Variants in MELK observed in about 807,000 individuals in gnomAD.
The protein encoded by MELK is pEg3 kinase.
A neutral mutation model predicts 85.0 loss-of-function variants in MELK; 81 were observed. That is an observed-to-expected ratio of 0.95 (90% CI 0.80 to 1.15). MELK has a LOEUF of 1.15. Ranked by LOEUF, MELK falls within the 50% of genes most tolerant of loss-of-function variation. MELK has a pLI of 0.00. For synonymous variants in MELK, 252 were observed against 265.0 expected (o/e 0.95, Z 0.48); for missense variants, 754 against 777.5 (o/e 0.97, Z 0.36).
At chr9:36,615,338 C>G (rs1451998978) in intron 8 of MELK, among the ~76,000 whole-genome samples, 2 of 126,400 alleles carry the variant, frequency 1.6e-5, no homozygotes, top group Admixed American at 1.5e-4. Flanking sequence ...GCTGGCCGGG[C>G]GGGGGGCTGA....
chr9:36,611,072 C>T (rs1016542486), intron 8 of MELK, among the ~76,000 whole-genome samples: 1 of 152,156 alleles, frequency 6.6e-6, no homozygotes, highest in African/African-American at 2.4e-5. Flanking sequence ...AGTCAGTAAG[C>T]GTATAATGCA....
At chr9:36,578,025 A>G (rs889620716) in intron 1 of MELK, among the ~76,000 whole-genome samples, 3 of 152,056 alleles carry the variant, frequency 2.0e-5, no homozygotes, top group Non-Finnish European at 4.4e-5. Flanking sequence ...GCCTCAAGCA[A>G]TCCTCCTGCC....
intron 3 of MELK, among the ~76,000 whole-genome samples, chr9:36,585,911 C>A (rs1057376605): frequency 1.3e-5 from 2 of 151,954 alleles, no homozygotes; most frequent in African/African-American, 2.4e-5. Flanking sequence ...GCACTCTAGC[C>A]TGGGCAACAG....
At chr9:36,578,287 T>A (rs1379407739) in intron 1 of MELK, among the ~76,000 whole-genome samples, 1 of 151,570 alleles carries the variant, frequency 6.6e-6, no homozygotes, top group African/African-American at 2.4e-5. Context: ...TTGTCCCAGC[T>A]CCAGAGCTGC....
In MELK at chr9:36,612,126, C is replaced by T. The variant is rs1018037926; in HGVS notation, c.666+4453C>T. On this transcript the variant is annotated intron_variant, in intron 8 of 17. Coordinates refer to ENST00000298048, the MANE Select transcript of MELK (RefSeq NM_014791.4). ...TTTGTTTTTTTCTGTGACAGAGTCT[C>T]GCTCTGTCACCCAGGCTGGAGTGCA... Among the ~76,000 whole-genome samples, 9 of 151,866 alleles carry T rather than the reference C, an allele frequency of 5.9e-5. No individual in the cohort carries two copies. In the South Asian group the frequency reaches 8.3e-4, roughly 14 times the overall value.
intron 1 of MELK, among the ~76,000 whole-genome samples, chr9:36,580,340 A>T (rs1262711205): frequency 7.0e-6 from 1 of 141,850 alleles, no homozygotes; most frequent in East Asian, 2.1e-4. Flanking sequence ...TTTTTTTGAG[A>T]CGGAGTTTCA....
At chr9:36,589,155 T>G (rs1823263013) in intron 3 of MELK, among the ~76,000 whole-genome samples, 1 of 146,820 alleles carries the variant, frequency 6.8e-6, no homozygotes, top group Admixed American at 6.8e-5. Flanking sequence ...CTACTTAGTA[T>G]TTTTTTTTTT....
chr9:36,661,014 A>T (rs1831756186), intron 13 of MELK, among the ~76,000 whole-genome samples: 2 of 152,024 alleles, frequency 1.3e-5, no homozygotes, highest in South Asian at 4.1e-4. Context: ...AACAAAGAAT[A>T]AAAAAAGACA....
chr9:36,642,318 C>T (rs1829827214), intron 10 of MELK, among the ~76,000 whole-genome samples: 1 of 151,014 alleles, frequency 6.6e-6, no homozygotes, highest in African/African-American at 2.4e-5. Flanking sequence ...TGTATAGCCA[C>T]TGATTTTAGA....
intron 11 of MELK, among the ~76,000 whole-genome samples, chr9:36,648,403 T>C (rs2137118993): frequency 6.6e-6 from 1 of 152,226 alleles, no homozygotes; most frequent in East Asian, 1.9e-4. Flanking sequence ...GTCAGGGAAG[T>C]GAAGAGGAAA....
rs1440229403 is a variant in MELK, at chr9:36,670,986, GTT to G, written c.1506-9_1506-8del. 6.3e-7 allele frequency: 1 copy of G among 1,597,086 alleles called. No homozygotes were observed. The highest frequency in any genetic ancestry group is 1.4e-5 in the African/African-American group (1 of 74,008). On this transcript the variant is annotated splice_polypyrimidine_tract_variant and intron_variant, in intron 15 of 17. Transcript: ENST00000298048. ...CAGCTCTACTTGTGCCTTGTTTTAT[GTT>G]TTGTTTCAGGTGCCGCTCAGTGGAA...
chr9:36,607,671 A>T lies in MELK; in HGVS notation c.664A>T (p.Met222Leu). The T allele has an allele frequency of 6.3e-7, 1 of 1,580,346 alleles. No homozygotes were observed. The highest frequency in any genetic ancestry group is 8.7e-7 in the Non-Finnish European group (1 of 1,149,434). Residue 222 changes from methionine (M) to leucine (L), a missense_variant and splice_region_variant, in exon 8 of 18, where the codon ATG becomes TTG. Coordinates refer to ENST00000298048, the MANE Select transcript of MELK (RefSeq NM_014791.4). ...TGTAATGGCTTTATACAAGAAGATT[A>T]TGGTGAGTATTACAAGGCATAGAAT... ...DNVMALYKKIMRGKYDVPKWL... is the reference protein window; with the variant it reads ...DNVMALYKKILRGKYDVPKWL...
chr9:36,575,630 C>T (rs1821583054), intron 1 of MELK, among the ~76,000 whole-genome samples: 1 of 152,120 alleles, frequency 6.6e-6, no homozygotes, highest in Non-Finnish European at 1.5e-5. Flanking sequence ...TGCATGGCTT[C>T]AGTCTTACCT....
chr9:36,629,954 C>G (rs1380784373), intron 8 of MELK: 1 of 159,598 alleles, frequency 6.3e-6, no homozygotes, highest in Non-Finnish European at 1.3e-5. Context: ...AAGTGATTCT[C>G]CTGCCTCAGC....
intron 8 of MELK, among the ~76,000 whole-genome samples, chr9:36,625,617 CT>C (rs1827852433): frequency 6.6e-6 from 1 of 152,152 alleles, no homozygotes; most frequent in Non-Finnish European, 1.5e-5. Flanking sequence ...GGCTTCATTG[CT>C]GTAGTTCAAA....
chr9:36,573,281 C>T (rs1380481774), intron 1 of MELK: 1 of 152,212 alleles, frequency 6.6e-6, no homozygotes, highest in Non-Finnish European at 1.5e-5. Flanking sequence ...TAGGAGGCTG[C>T]GATAGACGTG....
intron 5 of MELK, 90 bp downstream of exon 5, chr9:36,594,861 C>T: frequency 4.4e-6 from 6 of 1,361,026 alleles, no homozygotes; most frequent in South Asian, 1.7e-5. Flanking sequence ...AGGAATCTAT[C>T]TTTGGTTTGC....
At chr9:36,610,717 A>G (rs889460358) in intron 8 of MELK, among the ~76,000 whole-genome samples, 1 of 152,232 alleles carries the variant, frequency 6.6e-6, no homozygotes, top group African/African-American at 2.4e-5. Flanking sequence ...CTGCATCCAC[A>G]TCAGGATACA....
At chr9:36,596,407 C>T (rs1172102883) in intron 5 of MELK, among the ~76,000 whole-genome samples, 1 of 152,090 alleles carries the variant, frequency 6.6e-6, no homozygotes, top group Non-Finnish European at 1.5e-5. Context: ...AGGCGCCTGC[C>T]ACCACGCCCG....
Sources: allele counts gnomAD v4.1 joint callset (sites outside exome capture counted in the v4.1 genomes callset), GRCh38; gene constraint gnomAD v4.1.1; transcripts MANE v1.5; gene names NCBI Gene and HGNC (gene_info 2026-07-23, HGNC 2026-07-21).